The following FUT9 variants were observed in gnomAD, a reference collection of about 807,000 sequenced individuals.
FUT9 encodes fucosyltransferase 9, also known as 4-galactosyl-N-acetylglucosaminide 3-alpha-L-fucosyltransferase 9.
In FUT9, 15 loss-of-function variants were observed where a neutral mutation model predicts 29.7. The observed-to-expected ratio is 0.51, with a 90% CI of 0.34 to 0.78. The LOEUF is 0.78. Ranked by LOEUF, FUT9 falls within the 30% of genes least tolerant of loss-of-function variation. FUT9 has a pLI of 0.01. For synonymous variants in FUT9, 169 were observed against 153.7 expected (o/e 1.10, Z -0.74); for missense variants, 319 against 425.4 (o/e 0.75, Z 2.20).
At chr6:96,196,116 C>A (rs17056399) in intron 2 of FUT9, among the ~76,000 whole-genome samples, 51,149 of 152,000 alleles carry the variant, frequency 0.34, 9,383 homozygotes, top group South Asian at 0.57. Flanking sequence ...GACGGGGAAG[C>A]GATTGCCAGT....
intron 1 of FUT9, among the ~76,000 whole-genome samples, chr6:96,093,964 G>T (rs116994194): frequency 7.2e-5 from 11 of 152,218 alleles, no homozygotes; most frequent in Non-Finnish European, 1.2e-4. Flanking sequence ...GCGAGCCAAG[G>T]ATATGAAAGT....
intron 2 of FUT9, among the ~76,000 whole-genome samples, chr6:96,200,443 A>G (rs528973619): frequency 2.0e-5 from 3 of 152,258 alleles, no homozygotes; most frequent in African/African-American, 7.2e-5. Flanking sequence ...TGTGGCCTGC[A>G]ATTTCCTCAT....
chr6:96,136,772 T>C (rs569480042), intron 2 of FUT9, among the ~76,000 whole-genome samples: 1 of 152,098 alleles, frequency 6.6e-6, no homozygotes, highest in South Asian at 2.1e-4. Flanking sequence ...GGTAGCAGCA[T>C]TGTGGGATTT....
chr6:96,094,916 T>A (rs900827598), intron 1 of FUT9, among the ~76,000 whole-genome samples: 1 of 152,058 alleles, frequency 6.6e-6, no homozygotes. Flanking sequence ...TCTTTAGCGG[T>A]GATTTCTGAG....
At chr6:96,052,198 A>G (rs1389175186) in intron 1 of FUT9, among the ~76,000 whole-genome samples, 1 of 152,178 alleles carries the variant, frequency 6.6e-6, no homozygotes, top group African/African-American at 2.4e-5. Context: ...CTCACTCACT[A>G]TCATGACAAG....
intron 1 of FUT9, among the ~76,000 whole-genome samples, chr6:96,029,913 A>G (rs1176177570): frequency 6.6e-6 from 1 of 151,652 alleles, no homozygotes; most frequent in Non-Finnish European, 1.5e-5. Flanking sequence ...CAGATCACAA[A>G]TTCTGCAATA....
intron 2 of FUT9, among the ~76,000 whole-genome samples, chr6:96,168,125 T>C (rs760336593): frequency 2.0e-5 from 3 of 152,142 alleles, no homozygotes; most frequent in Non-Finnish European, 2.9e-5. Flanking sequence ...GGGTAGAACA[T>C]TGAATTTCAA....
intron 2 of FUT9, among the ~76,000 whole-genome samples, chr6:96,172,660 A>C (rs1456582457): frequency 6.6e-6 from 1 of 152,194 alleles, no homozygotes; most frequent in Admixed American, 6.5e-5. Context: ...TATTGAAAAA[A>C]AAAACTGGAC....
At position 96,075,335 on chromosome 6, in the gene FUT9, C is replaced by T. The variant is rs139665658; in HGVS notation, c.-97-38704C>T. Among the ~76,000 whole-genome samples, 125 of 152,148 alleles carry T rather than the reference C, an allele frequency of 8.2e-4. 5 individuals are homozygous for T. In the East Asian group the frequency reaches 0.017, roughly 21 times the overall value. The stretch of plus-strand genomic sequence containing the variant: ...TTGCATACATCAGAAACAAAGCCTT[C>T]GACCAGGGTTTGATACCAAGAAAAC... On this transcript the variant is annotated intron_variant, in intron 1 of 2. Transcript: ENST00000302103.
chr6:96,042,959 T>A (rs1770490450), intron 1 of FUT9, among the ~76,000 whole-genome samples: 1 of 152,214 alleles, frequency 6.6e-6, no homozygotes, highest in Non-Finnish European at 1.5e-5. Context: ...TCTGGACCAA[T>A]GGGTTTCTTG....
chr6:96,179,931 A>G (rs868543388), intron 2 of FUT9, among the ~76,000 whole-genome samples: 1 of 152,078 alleles, frequency 6.6e-6, no homozygotes, highest in Non-Finnish European at 1.5e-5. Flanking sequence ...AATGGAGCAA[A>G]TTGCCTTTTG....
chr6:96,041,825 C>A (rs1211679444), intron 1 of FUT9, among the ~76,000 whole-genome samples: 1 of 152,070 alleles, frequency 6.6e-6, no homozygotes, highest in Non-Finnish European at 1.5e-5. Flanking sequence ...ACGGCCTAAA[C>A]CTTTTATGGA....
chr6:96,095,368 T>C (rs1430768808), intron 1 of FUT9, among the ~76,000 whole-genome samples: 1 of 152,110 alleles, frequency 6.6e-6, no homozygotes, highest in Non-Finnish European at 1.5e-5. Flanking sequence ...ATGGAGATGA[T>C]TACATTGCCT....
chr6:96,107,934 A>T (rs1771722941), intron 1 of FUT9, among the ~76,000 whole-genome samples: 2 of 152,302 alleles, frequency 1.3e-5, no homozygotes, highest in South Asian at 4.1e-4. Flanking sequence ...TAATGAAAAT[A>T]AACAAGAGCT....
chr6:96,176,848 G>T (rs1244800821), intron 2 of FUT9, among the ~76,000 whole-genome samples: 1 of 152,148 alleles, frequency 6.6e-6, no homozygotes, highest in Non-Finnish European at 1.5e-5. Context: ...CTCCTTTGGC[G>T]CTATGACTTT....
At chr6:96,061,304 T>TTTTTTTTTTTTTTTTTTTG (rs1158183733) in intron 1 of FUT9, among the ~76,000 whole-genome samples, 1 of 143,360 alleles carries the variant, frequency 7.0e-6, no homozygotes, top group African/African-American at 2.6e-5. Context: ...AGATACTTCT[T>TTTTTTTTTTTTTTTTTTTG]AGGCTCTGTT....
At chr6:96,171,051 G>C (rs1376812190) in intron 2 of FUT9, among the ~76,000 whole-genome samples, 1 of 152,086 alleles carries the variant, frequency 6.6e-6, no homozygotes, top group African/African-American at 2.4e-5. Flanking sequence ...TCATTTGGAG[G>C]AGCATACAAT....
At chr6:96,143,982 G>T (rs1056417692) in intron 2 of FUT9, among the ~76,000 whole-genome samples, 4 of 152,184 alleles carry the variant, frequency 2.6e-5, no homozygotes, top group South Asian at 4.1e-4. Flanking sequence ...CAAGTGAAGA[G>T]ATAAGTCTTC....
intron 1 of FUT9, among the ~76,000 whole-genome samples, chr6:96,058,200 T>C (rs1293223171): frequency 6.6e-6 from 1 of 152,068 alleles, no homozygotes; most frequent in African/African-American, 2.4e-5. Context: ...GGTAAAAACT[T>C]TTCCCATTCC....
Sources: gnomAD v4.1 joint callset for allele counts (sites outside exome capture counted in the v4.1 genomes callset) on GRCh38, gnomAD v4.1.1 for gene constraint, MANE v1.5 for transcripts, NCBI Gene and HGNC (gene_info 2026-07-23, HGNC 2026-07-21) for gene names.